Variants in TXNL4B observed in about 807,000 individuals in gnomAD.
The protein encoded by TXNL4B is thioredoxin like 4B, also known as thioredoxin-like protein 4B.
TXNL4B carries 12 observed loss-of-function variants against 13.0 expected under a neutral mutation model. That is an observed-to-expected ratio of 0.92 (90% CI 0.59 to 1.49). TXNL4B has a LOEUF of 1.49. TXNL4B is among the 40% of genes most tolerant of loss of function. The pLI is 0.00. For synonymous variants in TXNL4B, 59 were observed against 58.9 expected, an observed-to-expected ratio of 1.00 and a Z score of -0.01; for missense variants, 214 against 173.6, an observed-to-expected ratio of 1.23 and a Z score of -1.31.
intron 3 of TXNL4B, 112 bp from the exon 4 acceptor site, chr16:72,086,914 T>C: frequency 1.2e-6 from 1 of 822,124 alleles, no homozygotes; most frequent in Non-Finnish European, 1.8e-6. Flanking sequence ...TTCTTGTCAA[T>C]GAGACTTCAG....
At chr16:72,092,556 A>G (rs184029040) in intron 1 of TXNL4B, among the ~76,000 whole-genome samples, 8 of 152,384 alleles carry the variant, frequency 5.2e-5, no homozygotes, top group Admixed American at 3.9e-4. Flanking sequence ...CAAATTACCA[A>G]TGAAAGGGAA....
At chr16:72,086,859 A>C (rs2041830996) in intron 3 of TXNL4B, 57 bp from the exon 4 acceptor site, 2 of 1,372,518 alleles carry the variant, frequency 1.5e-6, no homozygotes, top group African/African-American at 2.9e-5. Context: ...TCACTTGTTG[A>C]AGACTTTCAG....
chr16:72,091,485 G>GA (rs1249250675), intron 1 of TXNL4B, among the ~76,000 whole-genome samples: 3 of 152,224 alleles, frequency 2.0e-5, no homozygotes, highest in African/African-American at 7.2e-5. Context: ...AGAGGAGGAT[G>GA]AAGAATGGCT....
upstream of TXNL4B, chr16:72,094,294 C>T (rs2041972753): frequency 6.6e-6 from 1 of 152,550 alleles, no homozygotes; most frequent in African/African-American, 2.4e-5. Flanking sequence ...GGGATGCTGC[C>T]TGGAGTGGCC....
Position 72,086,773 on chromosome 16 carries a change from C to T in TXNL4B, c.314G>A (p.Ser105Asn). 1.2e-6 allele frequency: 2 copies of T among 1,612,920 alleles called. No individual in the cohort carries two copies. The highest frequency in any genetic ancestry group is 1.7e-6 in the Non-Finnish European group (2 of 1,179,060). ...GSPDHTKFVGSFKTKQDFIDL... is the reference protein window; with the variant it reads ...GSPDHTKFVGNFKTKQDFIDL... ...TATGAAGTCTTGTTTGGTTTTGAAG[C>T]TTCCCACAAACTTAGTGTGATCTGG... Residue 105 changes from serine to asparagine, a missense_variant, in exon 4 of 4, where the codon AGC becomes AAC. Ser to Asn is a conservative substitution (Grantham distance 46). Transcript: ENST00000268483.
At position 72,086,595 on chromosome 16, in the gene TXNL4B, C is replaced by A; in HGVS notation, c.*42G>T. On this transcript the variant is annotated 3_prime_UTR_variant, in exon 4 of 4. Transcript: ENST00000268483. Reference sequence around the variant, plus strand: ...GCACAGCTGGATTCAGGTACTGTGTCAAGATGTGCCTTCTTCTTCATCTTT... The same window carrying A: ...GCACAGCTGGATTCAGGTACTGTGTAAAGATGTGCCTTCTTCTTCATCTTT... The A allele has an allele frequency of 6.4e-7, 1 of 1,571,010 alleles. No homozygotes were observed. Among genetic ancestry groups the A allele is most frequent in the South Asian group, 1.1e-5 (1 of 88,942 alleles).
In TXNL4B at chr16:72,089,431, G is replaced by A. The variant is rs147638348; in HGVS notation, c.133-293C>T. Among the ~76,000 whole-genome samples the A allele has an allele frequency of 5.5e-4, 84 of 152,194 alleles. 1 individual carries two copies. Among genetic ancestry groups the A allele is most frequent in the African/African-American group, 1.8e-3 (75 of 41,518 alleles). On this transcript the variant is annotated intron_variant, in intron 2 of 3. Transcript: ENST00000268483. ...GGGGAAAACTGTGTGAGTTTAGGAGGGTGACAGCATGGGAGTATTCCTGTC... is the reference window on the plus strand; with the variant it reads ...GGGGAAAACTGTGTGAGTTTAGGAGAGTGACAGCATGGGAGTATTCCTGTC...
intron 3 of TXNL4B, chr16:72,087,574 C>T (rs926498626): frequency 6.6e-6 from 1 of 152,084 alleles, no homozygotes; most frequent in African/African-American, 2.4e-5. Flanking sequence ...GTTGAACTGG[C>T]CCCCATAAAA....
chr16:72,086,856 T>C, intron 3 of TXNL4B, 54 bp from the exon 4 acceptor site: 1 of 1,379,230 alleles, frequency 7.3e-7, no homozygotes, highest in Non-Finnish European at 9.8e-7. Context: ...TAATCACTTG[T>C]TGAAGACTTT....
In TXNL4B at chr16:72,090,778, CTG is replaced by C. The variant is rs2041893212; in HGVS notation, c.-31_-30del. The C allele has an allele frequency of 6.2e-7, 1 of 1,613,190 alleles. No individual in the cohort carries two copies. Among genetic ancestry groups the C allele is most frequent in the South Asian group, 1.1e-5 (1 of 90,936 alleles). The stretch of plus-strand genomic sequence containing the variant: ...GAAATAACCCAAATGTGAATCCTCA[CTG>C]TCACTCCTGAAATAAAGGTGCAATG... On this transcript the variant is annotated 5_prime_UTR_variant, in exon 2 of 4. Coordinates refer to ENST00000268483, the MANE Select transcript of TXNL4B (RefSeq NM_017853.3).
intron 2 of TXNL4B, chr16:72,090,271 T>A: frequency 5.1e-5 from 23 of 454,398 alleles, no homozygotes; most frequent in South Asian, 2.8e-4. Flanking sequence ...ACTTGACCTC[T>A]CTGGTTTTTT....
At chr16:72,086,829 G>A (rs113594461) in intron 3 of TXNL4B, 27 bp from the exon 4 acceptor site, 5 of 1,487,498 alleles carry the variant, frequency 3.4e-6, no homozygotes, top group South Asian at 1.4e-5. Context: ...AGAAACAACT[G>A]CTCTAAGAAC....
upstream of TXNL4B, chr16:72,093,885 C>G (rs937657669): frequency 7.2e-5 from 11 of 152,256 alleles, no homozygotes; most frequent in African/African-American, 2.7e-4. Context: ...AGGCTGCTCT[C>G]TATGGTAGCT....
At chr16:72,090,562 G>A (rs2041889905) in intron 2 of TXNL4B, 56 bp downstream of exon 2, 2 of 1,578,584 alleles carry the variant, frequency 1.3e-6, no homozygotes, top group East Asian at 2.2e-5. Flanking sequence ...CTCAGATGCT[G>A]AAGTGAGAAT....
chr16:72,090,699 C>T lies in TXNL4B; in HGVS notation c.51G>A (p.Ala17=), dbSNP rs145796533. The T allele has an allele frequency of 1.8e-4, 293 of 1,614,068 alleles. 3 individuals are homozygous for T. The highest frequency in any genetic ancestry group is 2.3e-4 in the Non-Finnish European group (275 of 1,180,046). ...ACACCTTCTCAGCAGTACTTTTTAT[C>T]GCCTGGTCTACTTCCTTTTTGCTAG... ...KLTSKKEVDQ[A]IKSTAEKVLV... Residue 17 remains alanine (A), a synonymous_variant, in exon 2 of 4, where the codon GCG becomes GCA. Transcript: ENST00000268483.
chr16:72,089,962 T>C, intron 2 of TXNL4B: 1 of 391,472 alleles, frequency 2.6e-6, no homozygotes, highest in Non-Finnish European at 5.1e-6. Context: ...TCTACATCAC[T>C]GACCTCTGTG....
In TXNL4B at chr16:72,086,659, T is replaced by G. The variant is rs778674247; in HGVS notation, c.428A>C (p.Asp143Ala). ...PIDPKNIPKYDLLYQDI is the reference protein window; with the variant it reads ...PIDPKNIPKYALLYQDI ...GTACTAAATGTCTTGATAGAGAAGG[T>G]CATATTTGGGAATATTCTTGGGATC... The change falls in exon 4 of 4, where the codon GAC becomes GCC. Residue 143 changes from aspartate (D) to alanine (A), a missense_variant. Asp to Ala is a moderately radical substitution (Grantham distance 126). Transcript: ENST00000268483. 1.2e-6 allele frequency: 2 copies of G among 1,613,540 alleles called. No homozygotes were observed. The highest frequency in any genetic ancestry group is 2.2e-5 in the South Asian group (2 of 91,044).
At chr16:72,087,591 A>G (rs530068235) in intron 3 of TXNL4B, 1 of 152,170 alleles carries the variant, frequency 6.6e-6, no homozygotes, top group Non-Finnish European at 1.5e-5. Context: ...AAAAGGTTGT[A>G]CCAAATTAAT....
chr16:72,093,029 T>C (rs1009899669), intron 1 of TXNL4B, among the ~76,000 whole-genome samples: 3 of 151,950 alleles, frequency 2.0e-5, no homozygotes, highest in African/African-American at 7.2e-5. Context: ...TGAGGCGGGG[T>C]TTCGCTATGT....
Sources: allele counts gnomAD v4.1 joint callset (sites outside exome capture counted in the v4.1 genomes callset), GRCh38; gene constraint gnomAD v4.1.1; transcripts MANE v1.5; gene names NCBI Gene and HGNC (gene_info 2026-07-23, HGNC 2026-07-21).